PDE1A: variants seen among roughly 807,000 people sequenced by gnomAD.
PDE1A encodes the protein phosphodiesterase 1A, also known as dual specificity calcium/calmodulin-dependent 3',5'-cyclic nucleotide phosphodiesterase 1A.
PDE1A carries 35 observed loss-of-function variants against 61.7 expected under a neutral mutation model. The observed-to-expected ratio is 0.57, with a 90% confidence interval of 0.43 to 0.75. The LOEUF is 0.75. PDE1A is among the 30% of genes least tolerant of loss of function. The pLI, the probability that PDE1A is intolerant of heterozygous loss-of-function variation, is 0.00. For missense variants in PDE1A, 597 were observed against 630.6 expected (o/e 0.95, Z 0.57); for synonymous variants, 232 against 213.2 (o/e 1.09, Z -0.77).
chr2:182,635,137 A>G, the PDE1A span, among the ~76,000 whole-genome samples: 3 of 148,450 alleles, frequency 2.0e-5, no homozygotes, highest in Non-Finnish European at 4.5e-5. Context: ...AAAAAAAAAA[A>G]GCTGATTTTT....
At chr2:182,274,635 T>C (rs1266942600) in intron 1 of PDE1A, among the ~76,000 whole-genome samples, 1 of 152,140 alleles carries the variant, frequency 6.6e-6, no homozygotes, top group Non-Finnish European at 1.5e-5. Context: ...TTGTGAAGGT[T>C]GTTATATGTA....
chr2:182,652,978 C>G, the PDE1A span, among the ~76,000 whole-genome samples: 1 of 152,182 alleles, frequency 6.6e-6, no homozygotes, highest in Non-Finnish European at 1.5e-5. Context: ...CATGGACACA[C>G]AAGTGCACCT....
At chr2:182,639,085 G>A in the PDE1A span, among the ~76,000 whole-genome samples, 1 of 152,076 alleles carries the variant, frequency 6.6e-6, no homozygotes, top group Non-Finnish European at 1.5e-5. Flanking sequence ...TACCAAAAGA[G>A]GAACATACAT....
chr2:182,566,725 T>C, the PDE1A span, among the ~76,000 whole-genome samples: 2 of 152,052 alleles, frequency 1.3e-5, no homozygotes, highest in Non-Finnish European at 2.9e-5. Context: ...CTAGTGAGAG[T>C]GAATTTGCCA....
the PDE1A span, among the ~76,000 whole-genome samples, chr2:182,566,218 C>G: frequency 1.3e-5 from 2 of 152,062 alleles, no homozygotes; most frequent in East Asian, 3.9e-4. Context: ...TGAACCATAA[C>G]AAACCTTGGT....
chr2:182,501,205 T>A (rs986941173), intron 2 of PDE1A, among the ~76,000 whole-genome samples: 2 of 152,164 alleles, frequency 1.3e-5, no homozygotes, highest in African/African-American at 4.8e-5. Flanking sequence ...ATCCTTCTGG[T>A]TAATAACATA....
At chr2:182,203,086 C>T (rs997835793) in intron 8 of PDE1A, among the ~76,000 whole-genome samples, 6 of 152,008 alleles carry the variant, frequency 3.9e-5, no homozygotes, top group South Asian at 2.1e-4. Context: ...GAGGCCGAGG[C>T]GGGTGGATCA....
intron 2 of PDE1A, among the ~76,000 whole-genome samples, chr2:182,435,786 C>A (rs1463460843): frequency 2.0e-5 from 3 of 152,028 alleles, no homozygotes; most frequent in African/African-American, 7.2e-5. Context: ...ACCAGCTTTC[C>A]TCCGTATTTT....
intron 1 of PDE1A, among the ~76,000 whole-genome samples, chr2:182,267,645 T>C (rs993529612): frequency 7.9e-5 from 12 of 152,174 alleles, no homozygotes; most frequent in Non-Finnish European, 1.3e-4. Context: ...ACGAGCTTAA[T>C]GGAATAATTT....
the PDE1A span, among the ~76,000 whole-genome samples, chr2:182,655,628 T>C: frequency 6.6e-6 from 1 of 152,212 alleles, no homozygotes; most frequent in Admixed American, 6.5e-5. Context: ...AAGGAAAACA[T>C]GCATTATTTT....
chr2:182,663,769 G>A, the PDE1A span, among the ~76,000 whole-genome samples: 12 of 151,654 alleles, frequency 7.9e-5, no homozygotes, highest in East Asian at 1.9e-4. Flanking sequence ...CAACAAACCC[G>A]CATGACACAA....
the PDE1A span, among the ~76,000 whole-genome samples, chr2:182,536,490 T>C: frequency 1.3e-5 from 2 of 152,162 alleles, no homozygotes; most frequent in Admixed American, 6.5e-5. Context: ...TTGACCTATG[T>C]AGCAAAACCT....
At chr2:182,307,953 C>T (rs1228711847) in intron 1 of PDE1A, among the ~76,000 whole-genome samples, 1 of 152,112 alleles carries the variant, frequency 6.6e-6, no homozygotes, top group East Asian at 1.9e-4. Flanking sequence ...GCTGGTAGGA[C>T]TGTAAATTAG....
At chr2:182,378,126 G>A (rs908900261) in intron 1 of PDE1A, among the ~76,000 whole-genome samples, 50 of 152,328 alleles carry the variant, frequency 3.3e-4, no homozygotes, top group South Asian at 1.9e-3. Flanking sequence ...GATTACAGGC[G>A]TGAGCCACCG....
chr2:182,296,145 T>C (rs1694868558), intron 1 of PDE1A, among the ~76,000 whole-genome samples: 1 of 151,854 alleles, frequency 6.6e-6, no homozygotes, highest in African/African-American at 2.4e-5. Context: ...CGCATTAGAG[T>C]CCATGGAATA....
chr2:182,568,407 G>A, the PDE1A span, among the ~76,000 whole-genome samples: 23 of 152,278 alleles, frequency 1.5e-4, no homozygotes, highest in Non-Finnish European at 2.8e-4. Context: ...GACTGGGCGC[G>A]GTGGCTCACG....
chr2:182,542,132 A>T, the PDE1A span, among the ~76,000 whole-genome samples: 4 of 152,206 alleles, frequency 2.6e-5, no homozygotes, highest in Non-Finnish European at 5.9e-5. Flanking sequence ...AGATTATTTT[A>T]AAATCAAGCA....
intron 7 of PDE1A, among the ~76,000 whole-genome samples, chr2:182,219,344 C>G (rs761114402): frequency 1.4e-4 from 21 of 151,998 alleles, no homozygotes; most frequent in Non-Finnish European, 2.5e-4. Flanking sequence ...ATTTGGTATT[C>G]TAACTTTAAG....
chr2:182,182,399 A>G (rs1183285492), intron 13 of PDE1A, among the ~76,000 whole-genome samples: 1 of 152,104 alleles, frequency 6.6e-6, no homozygotes, highest in African/African-American at 2.4e-5. Flanking sequence ...CAATCTTTAC[A>G]TATCCAGAAA....
Sources: gnomAD v4.1 joint callset for allele counts (sites outside exome capture counted in the v4.1 genomes callset) on GRCh38, gnomAD v4.1.1 for gene constraint, MANE v1.5 for transcripts, NCBI Gene and HGNC (gene_info 2026-07-23, HGNC 2026-07-21) for gene names.